Variants in SLC3A1 observed in about 807,000 individuals in gnomAD.
The protein encoded by SLC3A1 is solute carrier family 3 member 1, also known as amino acid transporter heavy chain SLC3A1.
In SLC3A1, 78 loss-of-function variants were observed where a neutral mutation model predicts 60.3. The observed-to-expected ratio is 1.29, with a 90% CI of 1.08 to 1.56. The LOEUF is 1.56. SLC3A1 is among the 40% of genes most tolerant of loss of function. SLC3A1 has a pLI of 0.00. For synonymous variants in SLC3A1, 392 were observed against 307.9 expected, an observed-to-expected ratio of 1.27 and a Z score of -2.86; for missense variants, 1,172 against 858.9, an observed-to-expected ratio of 1.36 and a Z score of -4.56.
chr2:44,317,786 T>A (rs144930622), intron 9 of SLC3A1: 1 of 154,530 alleles, frequency 6.5e-6, no homozygotes, highest in Non-Finnish European at 1.4e-5. Context: ...CCCTAAACAA[T>A]AGTATAACTA....
chr2:44,294,585 T>C (rs181234877), intron 4 of SLC3A1, among the ~76,000 whole-genome samples: 1 of 152,128 alleles, frequency 6.6e-6, no homozygotes, highest in African/African-American at 2.4e-5. Flanking sequence ...CTCCATACTA[T>C]GTTATTGATG....
intron 6 of SLC3A1, chr2:44,301,524 A>AG (rs1672007672): frequency 2.9e-6 from 1 of 345,548 alleles, no homozygotes; most frequent in Non-Finnish European, 5.5e-6. Context: ...GCGGATCACG[A>AG]GGTCAGGAGT....
intron 9 of SLC3A1, 113 bp from the exon 10 acceptor site, chr2:44,320,086 G>T: frequency 1.1e-6 from 1 of 891,764 alleles, no homozygotes; most frequent in Non-Finnish European, 1.7e-6. Context: ...CAATTATAAG[G>T]GGCAAAATTG....
chr2:44,301,363 A>T lies in SLC3A1; in HGVS notation c.1136+236A>T, dbSNP rs1490177742. 3.3e-5 allele frequency: 20 copies of T among 612,306 alleles called. 1 individual carries two copies. The South Asian group carries it at 3.9e-4, about 12-fold the overall frequency. The allele number at this position is 612,306 out of a possible 1,614,324, so 37.9% of individuals were successfully genotyped here. ...ATGCAGATCACACTACGTACTTCAC[A>T]GGAGTTTTGTGAAAATTAGGTTAAT... is the stretch of plus-strand genomic sequence containing the variant. On this transcript the variant is annotated intron_variant, in intron 6 of 9. Coordinates refer to ENST00000260649, the MANE Select transcript of SLC3A1 (RefSeq NM_000341.4).
At chr2:44,277,747 T>C (rs1671382229) in intron 1 of SLC3A1, among the ~76,000 whole-genome samples, 1 of 152,218 alleles carries the variant, frequency 6.6e-6, no homozygotes, top group Admixed American at 6.5e-5. Context: ...CTTAATAATC[T>C]CCTTCTGGAT....
chr2:44,319,813 T>C (rs945076268), intron 9 of SLC3A1: 1 of 189,080 alleles, frequency 5.3e-6, no homozygotes, highest in Non-Finnish European at 1.1e-5. Context: ...GAAGTCTGAG[T>C]CCACTGTTGC....
Position 44,285,888 on chromosome 2 carries a change from G to C in SLC3A1, c.766-144G>C, listed in dbSNP as rs544223169. On this transcript the variant is annotated intron_variant, in intron 3 of 9. Coordinates refer to ENST00000260649, the MANE Select transcript of SLC3A1 (RefSeq NM_000341.4). ...ATGGGGTGGGGGGTATTTGGAAGGGGTTTCTTTAACCTGCTGCTCTCTGTA... is the reference window on the plus strand; with the variant it reads ...ATGGGGTGGGGGGTATTTGGAAGGGCTTTCTTTAACCTGCTGCTCTCTGTA... The C allele has an allele frequency of 2.1e-4, 221 of 1,046,236 alleles. 1 individual carries two copies. The highest frequency in any genetic ancestry group is 3.1e-4 in the Non-Finnish European group (207 of 668,738). 64.8% of individuals were successfully genotyped at this position (1,046,236 alleles called of 1,614,324 possible).
At chr2:44,303,100 C>G (rs1435815482) in intron 6 of SLC3A1, among the ~76,000 whole-genome samples, 2 of 151,550 alleles carry the variant, frequency 1.3e-5, no homozygotes, top group African/African-American at 4.8e-5. Context: ...ACTCGGGAGG[C>G]TGAGGCAGGA....
intron 4 of SLC3A1, among the ~76,000 whole-genome samples, chr2:44,292,667 G>A (rs1395530960): frequency 2.0e-5 from 3 of 152,170 alleles, no homozygotes; most frequent in Admixed American, 6.5e-5. Flanking sequence ...ACAGGCATGA[G>A]CTAAGTGAAG....
chr2:44,290,037 T>C (rs1671706961), intron 4 of SLC3A1, among the ~76,000 whole-genome samples: 3 of 152,184 alleles, frequency 2.0e-5, no homozygotes, highest in Admixed American at 2.0e-4. Context: ...TTCTTCTCAG[T>C]TTCACAGTTT....
At chr2:44,314,510 G>T (rs541447239) in intron 9 of SLC3A1, 1 of 162,964 alleles carries the variant, frequency 6.1e-6, no homozygotes, top group Non-Finnish European at 1.4e-5. Flanking sequence ...AAACTTCACT[G>T]GAAAACAAAC....
chr2:44,320,718 T>A lies in SLC3A1; in HGVS notation c.*79T>A. On this transcript the variant is annotated 3_prime_UTR_variant, in exon 10 of 10. Coordinates refer to ENST00000260649, the MANE Select transcript of SLC3A1 (RefSeq NM_000341.4). ...TGTAATAGCTTCATGTACAGCATGC[T>A]GCTTGGTGAACAATCATTAATTCTT... The A allele has an allele frequency of 4.7e-6, 5 of 1,073,900 alleles. No homozygotes were observed. Among genetic ancestry groups the A allele is most frequent in the Non-Finnish European group, 7.2e-6 (5 of 692,296 alleles). 66.5% of individuals were successfully genotyped at this position (1,073,900 alleles called of 1,614,324 possible).
At chr2:44,289,512 C>T (rs1671690666) in intron 4 of SLC3A1, among the ~76,000 whole-genome samples, 1 of 151,444 alleles carries the variant, frequency 6.6e-6, no homozygotes, top group Admixed American at 6.6e-5. Flanking sequence ...CACCTGGCCT[C>T]TTTTCATATT....
At chr2:44,315,503 CAAA>C (rs11324145) in intron 9 of SLC3A1, among the ~76,000 whole-genome samples, 45 of 132,686 alleles carry the variant, frequency 3.4e-4, no homozygotes, top group African/African-American at 2.8e-4. Flanking sequence ...CTACCCCCGC[CAAA>C]AAAAAAAAAA....
At chr2:44,279,629 A>T (rs1671445505) in intron 1 of SLC3A1, among the ~76,000 whole-genome samples, 1 of 152,260 alleles carries the variant, frequency 6.6e-6, no homozygotes, top group Non-Finnish European at 1.5e-5. Context: ...CCACATTAAA[A>T]AAAGGAAAAA....
intron 7 of SLC3A1, among the ~76,000 whole-genome samples, chr2:44,311,356 G>C (rs922910253): frequency 8.6e-5 from 13 of 151,982 alleles, no homozygotes; most frequent in South Asian, 2.1e-4. Flanking sequence ...TCTTTGTCTA[G>C]TAAGTCCAAT....
At chr2:44,296,614 A>C (rs921480014) in intron 4 of SLC3A1, among the ~76,000 whole-genome samples, 2 of 152,184 alleles carry the variant, frequency 1.3e-5, no homozygotes, top group African/African-American at 2.4e-5. Context: ...TCTCAGCTTA[A>C]AGTGAATTGA....
chr2:44,283,766 A>G (rs773824984), intron 3 of SLC3A1, among the ~76,000 whole-genome samples: 5 of 152,180 alleles, frequency 3.3e-5, no homozygotes, highest in African/African-American at 4.8e-5. Flanking sequence ...CTTGTAGTAT[A>G]TCATATATAT....
At chr2:44,318,219 T>C (rs1317334359) in intron 9 of SLC3A1, 2 of 379,680 alleles carry the variant, frequency 5.3e-6, no homozygotes, top group Admixed American at 3.3e-5. Context: ...GCCTCCCAAG[T>C]AGCTGGGATT....
Sources: gnomAD v4.1 joint callset for allele counts (sites outside exome capture counted in the v4.1 genomes callset) on GRCh38, gnomAD v4.1.1 for gene constraint, MANE v1.5 for transcripts, NCBI Gene and HGNC (gene_info 2026-07-23, HGNC 2026-07-21) for gene names.